The following GGNBP2 variants were observed in gnomAD, a reference collection of about 807,000 sequenced individuals.
The protein encoded by GGNBP2 is gametogenetin binding protein 2.
GGNBP2 carries 10 observed loss-of-function variants against 85.9 expected under a neutral mutation model. That is an observed-to-expected ratio of 0.12 (90% confidence interval 0.07 to 0.20). The LOEUF (loss-of-function observed/expected upper bound fraction) is 0.20, where lower values mean the gene tolerates loss of function less well. Among genes scored for constraint, GGNBP2 ranks in the 10% least tolerant of loss-of-function variants. The probability of loss-of-function intolerance (pLI) is 1.00; values close to 1 mark genes in which losing one functional copy is unlikely to be tolerated. For missense variants in GGNBP2, 595 were observed against 857.8 expected (o/e 0.69, Z 3.83); for synonymous variants, 287 against 285.7 (o/e 1.00, Z -0.05).
At chr17:36,566,389 G>T (rs941346801) in intron 5 of GGNBP2, among the ~76,000 whole-genome samples, 3 of 152,180 alleles carry the variant, frequency 2.0e-5, no homozygotes, top group Non-Finnish European at 4.4e-5. Context: ...GCTGGGCTTG[G>T]TGGCTCACGC....
rs779393330 is a variant in GGNBP2, at chr17:36,578,176, T to C, written c.835T>C (p.Phe279Leu). The C allele has an allele frequency of 1.5e-5, 24 of 1,608,516 alleles. 1 individual carries two copies. The South Asian group carries it at 2.2e-4, about 15-fold the overall frequency. The change falls in exon 7 of 14, where the codon TTC becomes CTC. Residue 279 changes from phenylalanine to leucine, a missense_variant. By Grantham distance (22) the Phe-to-Leu change is conservative. This residue lies in a region of GGNBP2 where 92 missense variants were observed against 183.9 expected (regional missense o/e 0.50). Transcript: ENST00000613102. ...TCTTTTGGGTCGTGCTGAGCCAGAG[T>C]TCGCAGGAGGGTATGAGTATGTAAT... ...AHLLGRAEPE[F>L]AGGRRERHAK...
At chr17:36,558,414 CAAAAAAA>C (rs755597241) in intron 4 of GGNBP2, among the ~76,000 whole-genome samples, 6 of 18,966 alleles carry the variant, frequency 3.2e-4, no homozygotes, top group East Asian at 2.4e-3. Context: ...AGCTCCATCT[CAAAAAAA>C]AAAAAAAAAA....
intron 3 of GGNBP2, among the ~76,000 whole-genome samples, chr17:36,555,912 A>T (rs1034939334): frequency 5.9e-5 from 9 of 152,332 alleles, no homozygotes; most frequent in African/African-American, 1.9e-4. Flanking sequence ...AAATTCACAG[A>T]TGTAGAACCC....
In GGNBP2 at chr17:36,581,352, G is replaced by A; in HGVS notation, c.1029G>A (p.Val343=). The change falls in exon 9 of 14, where the codon GTG becomes GTA. Residue 343 remains valine (V), a synonymous_variant. Coordinates refer to ENST00000613102, the MANE Select transcript of GGNBP2 (RefSeq NM_024835.5). ...DALRKSFEMT[V]EKVQGISRLE... is the part of the protein sequence containing the mutation. ...CCTTATTTTTATAATAGATGACCGT[G>A]GAAAAAGTACAGGGTATTAGCAGAT... 3 of 1,588,428 alleles carry A rather than the reference G, an allele frequency of 1.9e-6. No individual in the cohort carries two copies. The highest frequency in any genetic ancestry group is 2.6e-6 in the Non-Finnish European group (3 of 1,169,252).
At chr17:36,579,949 G>A (rs1212649900) in intron 8 of GGNBP2, among the ~76,000 whole-genome samples, 1 of 152,062 alleles carries the variant, frequency 6.6e-6, no homozygotes, top group East Asian at 1.9e-4. Flanking sequence ...GGTGGAGGTT[G>A]CAGTGAGCCA....
At chr17:36,546,014 G>T in intron 2 of GGNBP2, 197 bp downstream of exon 2, 1 of 539,082 alleles carries the variant, frequency 1.9e-6, no homozygotes, top group Non-Finnish European at 3.3e-6. Flanking sequence ...CAAGCCCAGA[G>T]CTCCGTACGC....
At chr17:36,575,648 A>ATATATATATATATATATATTTTT (rs374366757) in intron 6 of GGNBP2, among the ~76,000 whole-genome samples, 1 of 54,908 alleles carries the variant, frequency 1.8e-5, no homozygotes, top group African/African-American at 1.1e-4. Flanking sequence ...ATATATATAT[A>ATATATATATATATATATATTTTT]TTTTTTTTTT....
At chr17:36,575,648 A>ATATATATATATTTTTT (rs374366757) in intron 6 of GGNBP2, among the ~76,000 whole-genome samples, 2 of 54,914 alleles carry the variant, frequency 3.6e-5, no homozygotes, top group African/African-American at 2.2e-4. Flanking sequence ...ATATATATAT[A>ATATATATATATTTTTT]TTTTTTTTTT....
intron 2 of GGNBP2, chr17:36,547,714 G>C (rs1233894246): frequency 1.3e-5 from 2 of 152,226 alleles, no homozygotes; most frequent in African/African-American, 4.8e-5. Flanking sequence ...CTGTGGACTT[G>C]TGACTAAGGC....
At chr17:36,563,980 G>T (rs916718252) in intron 5 of GGNBP2, among the ~76,000 whole-genome samples, 4 of 152,192 alleles carry the variant, frequency 2.6e-5, no homozygotes, top group African/African-American at 9.6e-5. Flanking sequence ...CTGACCTCAG[G>T]TGATCAACCC....
At chr17:36,553,699 T>A (rs1567817952) in intron 2 of GGNBP2, among the ~76,000 whole-genome samples, 1 of 152,234 alleles carries the variant, frequency 6.6e-6, no homozygotes, top group African/African-American at 2.4e-5. Flanking sequence ...TCTTTAACAA[T>A]GTTTTAGTTA....
At chr17:36,556,751 C>CT (rs10544073) in intron 3 of GGNBP2, among the ~76,000 whole-genome samples, 1,058 of 52,838 alleles carry the variant, frequency 0.02, 274 homozygotes, top group African/African-American at 0.024. Flanking sequence ...CTGTATTGTG[C>CT]TTTTTTTTTT....
At chr17:36,580,354 C>T (rs1408096938) in intron 8 of GGNBP2, among the ~76,000 whole-genome samples, 1 of 151,436 alleles carries the variant, frequency 6.6e-6, no homozygotes, top group African/African-American at 2.4e-5. Flanking sequence ...ACTGCAGGCG[C>T]CCGCCACCAC....
At chr17:36,569,229 T>G (rs2074498401) in intron 6 of GGNBP2, among the ~76,000 whole-genome samples, 1 of 152,088 alleles carries the variant, frequency 6.6e-6, no homozygotes, top group Non-Finnish European at 1.5e-5. Flanking sequence ...CAGGCCAACG[T>G]GGCGAAACCC....
In GGNBP2 at chr17:36,581,344, A is replaced by G. The variant is rs1208179179; in HGVS notation, c.1021A>G (p.Met341Val). ...ACCCTCAACCTTATTTTTATAATAG[A>G]TGACCGTGGAAAAAGTACAGGGTAT... ...GVDALRKSFE[M>V]TVEKVQGISR... The change falls in exon 9 of 14, where the codon ATG becomes GTG. Residue 341 changes from methionine (M) to valine (V), a missense_variant and splice_region_variant. By Grantham distance (21) the Met-to-Val change is conservative. This residue lies in a region of GGNBP2 where 92 missense variants were observed against 183.9 expected (regional missense o/e 0.50). Coordinates refer to ENST00000613102, the MANE Select transcript of GGNBP2 (RefSeq NM_024835.5). 1.3e-6 allele frequency: 2 copies of G among 1,581,146 alleles called. No individual in the cohort carries two copies. Among genetic ancestry groups the G allele is most frequent in the East Asian group, 2.2e-5 (1 of 44,572 alleles).
chr17:36,583,663 T>C (rs2142783373), intron 9 of GGNBP2, among the ~76,000 whole-genome samples: 1 of 151,822 alleles, frequency 6.6e-6, no homozygotes, highest in East Asian at 2.0e-4. Context: ...GGGTTTTGCC[T>C]TGTTGCCCAG....
chr17:36,546,433 A>G (rs2074255975), intron 2 of GGNBP2: 1 of 152,732 alleles, frequency 6.5e-6, no homozygotes, highest in Non-Finnish European at 1.5e-5. Flanking sequence ...TATTTAGTTT[A>G]CAGGTGGACT....
chr17:36,557,074 C>G lies in GGNBP2; in HGVS notation c.175-9C>G. 1 of 1,613,644 alleles carries G rather than the reference C, an allele frequency of 6.2e-7. No homozygotes were observed. The highest frequency in any genetic ancestry group is 8.5e-7 in the Non-Finnish European group (1 of 1,179,686). ...AAGGACACTCTTTCATTTTCTTTCC[C>G]TCTTTCAGCGACATGGTATGCTTAA... On this transcript the variant is annotated splice_polypyrimidine_tract_variant and intron_variant, in intron 3 of 13. Coordinates refer to ENST00000613102, the MANE Select transcript of GGNBP2 (RefSeq NM_024835.5).
chr17:36,588,598 T>A (rs762167386), intron 13 of GGNBP2, among the ~76,000 whole-genome samples: 1 of 151,450 alleles, frequency 6.6e-6, no homozygotes, highest in African/African-American at 2.4e-5. Context: ...GTTTTAATAT[T>A]TATTTATTTT....
Sources: gnomAD v4.1 joint callset for allele counts (sites outside exome capture counted in the v4.1 genomes callset) on GRCh38, gnomAD v4.1.1 for gene constraint, gnomAD v4.1.1 regional missense constraint, MANE v1.5 for transcripts, NCBI Gene and HGNC (gene_info 2026-07-23, HGNC 2026-07-21) for gene names.